RAB39A: variants seen among roughly 807,000 people sequenced by gnomAD.
RAB39A encodes RAB39A, member RAS oncogene family, also known as ras-related protein Rab-39A.
In RAB39A, 17 loss-of-function variants were observed where a neutral mutation model predicts 20.9. That is an observed-to-expected ratio of 0.81 (90% CI 0.56 to 1.22). The LOEUF (loss-of-function observed/expected upper bound fraction) is 1.22, where lower values mean the gene tolerates loss of function less well. Among genes scored for constraint, RAB39A ranks in the 50% most tolerant of loss-of-function variants. The pLI, the probability that RAB39A is intolerant of heterozygous loss-of-function variation, is 0.00. For synonymous variants in RAB39A, 99 were observed against 103.4 expected (o/e 0.96, Z 0.26); for missense variants, 234 against 270.5 (o/e 0.87, Z 0.95).
intron 1 of RAB39A, among the ~76,000 whole-genome samples, chr11:107,932,267 T>C (rs193262069): frequency 9.2e-5 from 14 of 152,316 alleles, no homozygotes; most frequent in Non-Finnish European, 1.3e-4. Context: ...AAAAATAATG[T>C]ATATGTGAAC....
intron 1 of RAB39A, among the ~76,000 whole-genome samples, chr11:107,930,358 A>G (rs913638587): frequency 2.0e-5 from 3 of 152,140 alleles, no homozygotes; most frequent in Non-Finnish European, 2.9e-5. Context: ...TTGATTGCCA[A>G]TTCCTTCACA....
chr11:107,947,980 G>A (rs201838343), intron 1 of RAB39A, among the ~76,000 whole-genome samples: 11 of 43,398 alleles, frequency 2.5e-4, no homozygotes, highest in African/African-American at 6.6e-4. Context: ...ATACACACAC[G>A]TACACACACA....
intron 1 of RAB39A, among the ~76,000 whole-genome samples, chr11:107,959,567 T>C (rs1286560822): frequency 1.3e-5 from 2 of 152,180 alleles, no homozygotes; most frequent in Non-Finnish European, 2.9e-5. Flanking sequence ...AATACTATAG[T>C]CCTTGACAAA....
chr11:107,933,311 ATATG>A (rs1459400308), intron 1 of RAB39A, among the ~76,000 whole-genome samples: 67 of 52,006 alleles, frequency 1.3e-3, no homozygotes, highest in African/African-American at 4.3e-3. Context: ...TTATATATAT[ATATG>A]TGTGTGTGTG....
chr11:107,941,994 G>A (rs1861263864), intron 1 of RAB39A, among the ~76,000 whole-genome samples: 1 of 150,884 alleles, frequency 6.6e-6, no homozygotes, highest in South Asian at 2.1e-4. Context: ...AGCTACTGAG[G>A]AGGCTGAGGC....
At chr11:107,951,812 A>G (rs930979926) in intron 1 of RAB39A, among the ~76,000 whole-genome samples, 1 of 151,942 alleles carries the variant, frequency 6.6e-6, no homozygotes, top group Non-Finnish European at 1.5e-5. Flanking sequence ...TGAGCATTCC[A>G]GGGCCTATGG....
At chr11:107,932,625 C>T in intron 1 of RAB39A, among the ~76,000 whole-genome samples, 1 of 152,232 alleles carries the variant, frequency 6.6e-6, no homozygotes, top group Non-Finnish European at 1.5e-5. Flanking sequence ...GACACTTAGA[C>T]TGGGCCATTA....
At chr11:107,937,690 C>G (rs556589256) in intron 1 of RAB39A, among the ~76,000 whole-genome samples, 1 of 152,212 alleles carries the variant, frequency 6.6e-6, no homozygotes, top group African/African-American at 2.4e-5. Flanking sequence ...CACCTGCCAC[C>G]ATGCCCAGCT....
chr11:107,944,506 C>G (rs1225349490), intron 1 of RAB39A, among the ~76,000 whole-genome samples: 1 of 152,100 alleles, frequency 6.6e-6, no homozygotes, highest in Admixed American at 6.6e-5. Flanking sequence ...CCTGTCTCAG[C>G]CTCCCAAGTA....
At chr11:107,932,632 A>AT (rs1465404037) in intron 1 of RAB39A, among the ~76,000 whole-genome samples, 2 of 152,244 alleles carry the variant, frequency 1.3e-5, no homozygotes, top group African/African-American at 4.8e-5. Flanking sequence ...AGACTGGGCC[A>AT]TTATGTGCCT....
intron 1 of RAB39A, among the ~76,000 whole-genome samples, chr11:107,945,849 G>A (rs889317676): frequency 2.6e-5 from 4 of 152,148 alleles, no homozygotes; most frequent in African/African-American, 7.2e-5. Context: ...GCATTTTGAG[G>A]TTGGGGTTCC....
chr11:107,944,493 T>A (rs1334675258), intron 1 of RAB39A, among the ~76,000 whole-genome samples: 1 of 151,988 alleles, frequency 6.6e-6, no homozygotes, highest in Non-Finnish European at 1.5e-5. Flanking sequence ...CCTCCCAGAT[T>A]CTCCTGTCTC....
At chr11:107,931,808 G>C (rs1861139656) in intron 1 of RAB39A, among the ~76,000 whole-genome samples, 1 of 151,436 alleles carries the variant, frequency 6.6e-6, no homozygotes, top group African/African-American at 2.4e-5. Context: ...CAGAACAATA[G>C]GTTAGTGAGT....
In RAB39A at chr11:107,946,460, ATTTTTTTTTTTT is replaced by A. The variant is rs869125579; in HGVS notation, c.228-15467_228-15456del. On this transcript the variant is annotated intron_variant, in intron 1 of 1. Transcript: ENST00000320578. ...TGTATATATATATATATATATATAT[ATTTTTTTTTTTT>A]TTTTTTTTTTTTTTTTTTGAGACAG... Among the ~76,000 whole-genome samples the A allele has an allele frequency of 5.2e-3, 82 of 15,754 alleles. 1 individual carries two copies. The highest frequency in any genetic ancestry group is 0.017 in the African/African-American group (71 of 4,292). The allele number at this position is 15,754 out of a possible 152,430, so 10.3% of individuals were successfully genotyped here. A position where few individuals can be genotyped will look rare whatever the true frequency, so the allele number is the denominator to read the frequency against.
intron 1 of RAB39A, among the ~76,000 whole-genome samples, chr11:107,953,122 C>G (rs1479270657): frequency 1.3e-5 from 2 of 152,162 alleles, no homozygotes; most frequent in Non-Finnish European, 1.5e-5. Flanking sequence ...ATTAACAGTG[C>G]TGTACACTTC....
chr11:107,946,417 T>G (rs1861313038), intron 1 of RAB39A, among the ~76,000 whole-genome samples: 1 of 15,168 alleles, frequency 6.6e-5, no homozygotes, highest in Non-Finnish European at 1.8e-4. Context: ...TGTGTGTGTG[T>G]GTGTGTGTGT....
At chr11:107,961,871 T>C in intron 1 of RAB39A, 75 bp from the exon 2 acceptor site, 1 of 1,113,564 alleles carries the variant, frequency 9.0e-7, no homozygotes. Flanking sequence ...AATGTTATTA[T>C]GGTGCTAGAT....
chr11:107,944,954 G>T (rs564253208), intron 1 of RAB39A, among the ~76,000 whole-genome samples: 1 of 152,156 alleles, frequency 6.6e-6, no homozygotes, highest in South Asian at 2.1e-4. Context: ...GGAGGCTGAG[G>T]TGGGTGGATC....
At chr11:107,930,071 A>T (rs1350105284) in intron 1 of RAB39A, among the ~76,000 whole-genome samples, 1 of 152,310 alleles carries the variant, frequency 6.6e-6, no homozygotes, top group East Asian at 1.9e-4. Flanking sequence ...GTTCCTAGCA[A>T]TGATGCTGAT....
Sources: gnomAD v4.1 joint callset for allele counts (sites outside exome capture counted in the v4.1 genomes callset) on GRCh38, gnomAD v4.1.1 for gene constraint, MANE v1.5 for transcripts, NCBI Gene and HGNC (gene_info 2026-07-23, HGNC 2026-07-21) for gene names.